The following GPC5 variants were observed in gnomAD, a reference collection of about 807,000 sequenced individuals.
The protein encoded by GPC5 is glypican-5.
In GPC5, 47 loss-of-function variants were observed where a neutral mutation model predicts 53.9. The ratio of observed to expected loss-of-function variants is 0.87; its 90% CI spans 0.69 to 1.11. The LOEUF (loss-of-function observed/expected upper bound fraction) is 1.11. Among genes scored for constraint, GPC5 ranks in the 50% most tolerant of loss-of-function variants. The probability of loss-of-function intolerance (pLI) is 0.00; values close to 1 mark genes in which losing one functional copy is unlikely to be tolerated. For synonymous variants in GPC5, 286 were observed against 263.3 expected (o/e 1.09, Z -0.84); for missense variants, 748 against 713.1 (o/e 1.05, Z -0.56).
chr13:92,287,429 T>A (rs1008949646), intron 7 of GPC5, among the ~76,000 whole-genome samples: 3 of 152,180 alleles, frequency 2.0e-5, no homozygotes, highest in Non-Finnish European at 4.4e-5. Flanking sequence ...TTTGTTCTAT[T>A]CATTAGTAAA....
intron 7 of GPC5, among the ~76,000 whole-genome samples, chr13:92,336,671 A>C (rs1926641): frequency 0.4 from 61,223 of 151,882 alleles, 12,460 homozygotes; most frequent in Middle Eastern, 0.51. Context: ...TTTGTTTTCA[A>C]GGAAACCATA....
At chr13:92,515,720 C>G (rs1482135882) in intron 7 of GPC5, among the ~76,000 whole-genome samples, 1 of 152,008 alleles carries the variant, frequency 6.6e-6, no homozygotes, top group Admixed American at 6.6e-5. Context: ...AAATGGAAAT[C>G]CTGGTTTATG....
At chr13:92,785,555 C>T (rs1037635019) in intron 7 of GPC5, among the ~76,000 whole-genome samples, 1 of 152,106 alleles carries the variant, frequency 6.6e-6, no homozygotes, top group African/African-American at 2.4e-5. Flanking sequence ...AGAGTGGAAC[C>T]CTTTACTCCA....
At chr13:91,942,225 TA>T in intron 6 of GPC5, among the ~76,000 whole-genome samples, 1 of 152,072 alleles carries the variant, frequency 6.6e-6, no homozygotes, top group Non-Finnish European at 1.5e-5. Context: ...TTTACCTGAC[TA>T]AAAAAGGTAC....
chr13:91,926,036 C>T (rs2039764018), intron 6 of GPC5, among the ~76,000 whole-genome samples: 1 of 152,076 alleles, frequency 6.6e-6, no homozygotes, highest in African/African-American at 2.4e-5. Context: ...TGGTAGCCAT[C>T]AGCCATTGCC....
At chr13:92,130,072 A>G (rs1594775094) in intron 6 of GPC5, among the ~76,000 whole-genome samples, 3 of 152,264 alleles carry the variant, frequency 2.0e-5, no homozygotes. Flanking sequence ...AAAAGAGCAC[A>G]GATAAGTATT....
chr13:92,375,258 A>G (rs1253462892), intron 7 of GPC5, among the ~76,000 whole-genome samples: 1 of 152,222 alleles, frequency 6.6e-6, no homozygotes, highest in African/African-American at 2.4e-5. Context: ...ACAGAAGATT[A>G]TGGGTGACAA....
chr13:92,385,608 C>T (rs1054180160), intron 7 of GPC5, among the ~76,000 whole-genome samples: 10 of 134,096 alleles, frequency 7.5e-5, no homozygotes, highest in Admixed American at 2.5e-4. Flanking sequence ...CATATATACA[C>T]ATATACATAT....
At chr13:91,784,234 A>G (rs3864180) in intron 5 of GPC5, among the ~76,000 whole-genome samples, 50,746 of 152,068 alleles carry the variant, frequency 0.33, 9,954 homozygotes, top group East Asian at 0.65. Context: ...ATGTAGTATA[A>G]TTTTATTTGA....
At chr13:92,617,249 C>G (rs1319114649) in intron 7 of GPC5, among the ~76,000 whole-genome samples, 1 of 152,136 alleles carries the variant, frequency 6.6e-6, no homozygotes, top group African/African-American at 2.4e-5. Flanking sequence ...TACCTGATCC[C>G]CTCACAACAA....
chr13:91,406,868 A>G (rs755778511), intron 1 of GPC5, among the ~76,000 whole-genome samples: 18 of 152,026 alleles, frequency 1.2e-4, no homozygotes, highest in Non-Finnish European at 2.1e-4. Flanking sequence ...GTGGTCCTGT[A>G]TTTTCTTTGA....
At chr13:91,792,870 C>A (rs1471294344) in intron 5 of GPC5, among the ~76,000 whole-genome samples, 1 of 152,064 alleles carries the variant, frequency 6.6e-6, no homozygotes, top group Non-Finnish European at 1.5e-5. Context: ...ATGTGGTTGC[C>A]GCGTGAGTCT....
intron 1 of GPC5, among the ~76,000 whole-genome samples, chr13:91,421,325 G>A (rs1002874108): frequency 2.6e-5 from 4 of 152,092 alleles, no homozygotes; most frequent in South Asian, 2.1e-4. Flanking sequence ...ATTGTATACT[G>A]TGCTGACATG....
At chr13:92,525,270 A>G (rs1197677616) in intron 7 of GPC5, among the ~76,000 whole-genome samples, 1 of 151,992 alleles carries the variant, frequency 6.6e-6, no homozygotes, top group African/African-American at 2.4e-5. Flanking sequence ...CACAGTGGAG[A>G]GATTTTGCGC....
intron 7 of GPC5, among the ~76,000 whole-genome samples, chr13:92,574,089 G>C (rs541526374): frequency 4.6e-5 from 7 of 152,188 alleles, no homozygotes; most frequent in African/African-American, 1.4e-4. Flanking sequence ...AGTTTCCACT[G>C]CACCTTGTAG....
chr13:92,758,994 GT>G (rs68182839), intron 7 of GPC5, among the ~76,000 whole-genome samples: 16,297 of 70,352 alleles, frequency 0.23, 784 homozygotes, highest in Middle Eastern at 0.28. Flanking sequence ...TCCCATTGCG[GT>G]TTTTTTTTTT....
chr13:91,513,570 G>A (rs1367759044), intron 2 of GPC5, among the ~76,000 whole-genome samples: 1 of 151,984 alleles, frequency 6.6e-6, no homozygotes, highest in Admixed American at 6.6e-5. Context: ...GTGAAACCCT[G>A]TCTCTACTAA....
rs1320460773 is a variant in GPC5, at chr13:91,573,237, AG to A, written c.326-119948del. The stretch of plus-strand genomic sequence containing the variant: ...GCAATCATGAAGTAGACTCATAGAC[AG>A]GCTCCTTTGTTTGTTGGCTCACTTA... On this transcript the variant is annotated intron_variant, in intron 2 of 7. Coordinates refer to ENST00000377067, the MANE Select transcript of GPC5 (RefSeq NM_004466.6). Among the ~76,000 whole-genome samples the A allele has an allele frequency of 1.3e-4, 20 of 152,320 alleles. No homozygotes were observed. The East Asian group carries it at 3.9e-3, about 29-fold the overall frequency.
At chr13:92,533,750 C>G (rs1881635980) in intron 7 of GPC5, among the ~76,000 whole-genome samples, 1 of 152,152 alleles carries the variant, frequency 6.6e-6, no homozygotes, top group Non-Finnish European at 1.5e-5. Context: ...AAGGACTAGA[C>G]AGAGGAAAGT....
Sources: allele counts gnomAD v4.1 joint callset (sites outside exome capture counted in the v4.1 genomes callset), GRCh38; gene constraint gnomAD v4.1.1; transcripts MANE v1.5; gene names NCBI Gene and HGNC (gene_info 2026-07-23, HGNC 2026-07-21).